The following CNOT9 variants were observed in gnomAD, a reference collection of about 807,000 sequenced individuals.
CNOT9 encodes the protein RCD1 required for cell differentiation1 homolog.
CNOT9 carries 8 observed loss-of-function variants against 37.4 expected under a neutral mutation model. The observed-to-expected ratio is 0.21, with a 90% CI of 0.13 to 0.39. CNOT9 has a LOEUF of 0.39. CNOT9 is among the 10% of genes least tolerant of loss of function. The pLI is 1.00. For missense variants in CNOT9, 154 were observed against 365.3 expected, an observed-to-expected ratio of 0.42 and a Z score of 4.71; for synonymous variants, 120 against 137.6, an observed-to-expected ratio of 0.87 and a Z score of 0.90.
At chr2:218,584,554 G>T in intron 3 of CNOT9, 58 bp from the exon 4 acceptor site, 1 of 1,284,980 alleles carries the variant, frequency 7.8e-7, no homozygotes, top group East Asian at 2.3e-5. Context: ...AAATTTGAAA[G>T]TTCAGGATCC....
chr2:218,591,741 T>TA lies in CNOT9; in HGVS notation c.541-550dup, dbSNP rs766798627. Among the ~76,000 whole-genome samples the TA allele has an allele frequency of 7.9e-3, 1,024 of 129,374 alleles. 4 individuals are homozygous for TA. The highest frequency in any genetic ancestry group is 0.052 in the Middle Eastern group (13 of 250). 84.9% of individuals were successfully genotyped at this position (129,374 alleles called of 152,430 possible). A position where few individuals can be genotyped will look rare whatever the true frequency, so the allele number is the denominator to read the frequency against. On this transcript the variant is annotated intron_variant, in intron 5 of 7. Coordinates refer to ENST00000273064, the MANE Select transcript of CNOT9 (RefSeq NM_005444.3). ...CTGGGCGACAGAGTGAGACTCCATC[T>TA]AAAAAAAAAAAAAGAAAAGAAAAAA...
Position 218,568,909 on chromosome 2 carries a change from G to A in CNOT9, c.-46G>A. On this transcript the variant is annotated 5_prime_UTR_variant, in exon 1 of 8. Transcript: ENST00000273064. ...GCAGGGGTGCTGAAGGGGGGACGCG[G>A]GTCGGACGCGTCCGGCTGTGGAAGA... is the stretch of plus-strand genomic sequence containing the variant. 6.3e-7 allele frequency: 1 copy of A among 1,594,302 alleles called. No individual in the cohort carries two copies. The highest frequency in any genetic ancestry group is 1.1e-5 in the South Asian group (1 of 89,042).
At chr2:218,574,088 G>C in intron 1 of CNOT9, 2 of 407,716 alleles carry the variant, frequency 4.9e-6, no homozygotes, top group Non-Finnish European at 5.0e-6. Flanking sequence ...TCCCACCTCA[G>C]CCTCTTGAGT....
chr2:218,583,185 GAGAA>G (rs1419864674), intron 3 of CNOT9, 99 bp downstream of exon 3: 79 of 742,344 alleles, frequency 1.1e-4, no homozygotes, highest in Middle Eastern at 4.7e-4. Context: ...GAGAGAGAGA[GAGAA>G]CGTTTGTGTG....
In CNOT9 at chr2:218,585,125, T is replaced by C. The variant is rs561248892; in HGVS notation, c.430+404T>C. 9.2e-5 allele frequency among the ~76,000 whole-genome samples: 14 copies of C among 152,238 alleles called. 1 individual carries two copies. The South Asian group carries it at 2.9e-3, about 32-fold the overall frequency. On this transcript the variant is annotated intron_variant, in intron 4 of 7. Transcript: ENST00000273064. ...TTCTTTCTGATAGGGTCTTGCTGTG[T>C]TACCCAGGCTGGAATTGAACTCCTA...
At chr2:218,587,819 AATT>A in intron 5 of CNOT9, 124 bp downstream of exon 5, 1 of 455,726 alleles carries the variant, frequency 2.2e-6, no homozygotes, top group South Asian at 9.1e-5. Context: ...TTTGAATAAA[AATT>A]ATTATGAAAC....
At position 218,592,519 on chromosome 2, in the gene CNOT9, T is replaced by C; in HGVS notation, c.640-97T>C. 6.7e-7 allele frequency: 1 copy of C among 1,502,928 alleles called. No individual in the cohort carries two copies. Among genetic ancestry groups the C allele is most frequent in the Non-Finnish European group, 9.3e-7 (1 of 1,078,714 alleles). The allele number at this position is 1,502,928 out of a possible 1,614,324, so 93.1% of individuals were successfully genotyped here. On this transcript the variant is annotated intron_variant, in intron 6 of 7. Transcript: ENST00000273064. The surrounding 1 kb of genome is among the most constrained non-coding windows in gnomAD (Gnocchi z 4.1). The stretch of plus-strand genomic sequence containing the variant: ...CTAGAACTAACAATTTTGGAACCTT[T>C]TATGATTCTTGGACTATCTGATCTC...
In CNOT9 at chr2:218,583,219, G is replaced by C. The variant is rs1157617710; in HGVS notation, c.320+133G>C. Reference sequence around the variant, plus strand: ...TGTGTGTGTGTGTGTGTGTGTGTGTGTGTGTGTGTGTGTGTCTCTCTCTCT... The same window carrying C: ...TGTGTGTGTGTGTGTGTGTGTGTGTCTGTGTGTGTGTGTGTCTCTCTCTCT... On this transcript the variant is annotated intron_variant, in intron 3 of 7. Transcript: ENST00000273064. The C allele has an allele frequency of 5.5e-5, 21 of 385,104 alleles. 1 individual carries two copies. The East Asian group carries it at 8.4e-4, about 15-fold the overall frequency. The allele number at this position is 385,104 out of a possible 1,614,324, so 23.9% of individuals were successfully genotyped here.
intron 4 of CNOT9, among the ~76,000 whole-genome samples, chr2:218,586,135 A>G (rs1334248937): frequency 6.6e-6 from 1 of 152,094 alleles, no homozygotes; most frequent in Admixed American, 6.6e-5. Flanking sequence ...ATTCTCCCCA[A>G]ACTGATCTAT....
At position 218,582,990 on chromosome 2, in the gene CNOT9, C is replaced by G; in HGVS notation, c.224C>G (p.Pro75Arg). 6.2e-7 allele frequency: 1 copy of G among 1,608,516 alleles called. No homozygotes were observed. The highest frequency in any genetic ancestry group is 1.3e-5 in the African/African-American group (1 of 74,618). ...ALLQEIVNIY[P>R]SINPPTLTAH... ...TTTTAGGAAATTGTAAATATTTATC[C>G]ATCTATCAACCCACCCACCTTGACA... is the stretch of plus-strand genomic sequence containing the variant. The change falls in exon 3 of 8, where the codon CCA becomes CGA. Residue 75 changes from proline to arginine, a missense_variant. This residue lies in a region of CNOT9 where 117 missense variants were observed against 325.4 expected (regional missense o/e 0.36). Transcript: ENST00000273064.
rs36013982 is a variant in CNOT9, at chr2:218,596,538, A to AAC, written c.*2284_*2285dup. On this transcript the variant is annotated 3_prime_UTR_variant, in exon 8 of 8. Transcript: ENST00000273064. ...GCTTCTCCCCTCTGTCTACCTACACAACACACACACACACACACACACAGC... is the reference window on the plus strand; with the variant it reads ...GCTTCTCCCCTCTGTCTACCTACACAACACACACACACACACACACACACAGC... 0.037 allele frequency: 5,499 copies of AAC among 149,998 alleles called. 177 individuals carry two copies. The highest frequency in any genetic ancestry group is 0.09 in the African/African-American group (3,688 of 41,120). The allele number at this position is 149,998 out of a possible 1,614,324, so 9.3% of individuals were successfully genotyped here. A position where few individuals can be genotyped will look rare whatever the true frequency, so the allele number is the denominator to read the frequency against.
intron 7 of CNOT9, 132 bp from the exon 8 acceptor site, chr2:218,593,976 T>A: frequency 9.5e-7 from 1 of 1,047,330 alleles, no homozygotes; most frequent in Non-Finnish European, 1.4e-6. Flanking sequence ...TAGAGAATTT[T>A]AATGGCTTCT....
At chr2:218,579,563 T>C (rs1482741964) in intron 1 of CNOT9, among the ~76,000 whole-genome samples, 1 of 152,152 alleles carries the variant, frequency 6.6e-6, no homozygotes, top group African/African-American at 2.4e-5. Flanking sequence ...CTCGGCTCAC[T>C]GCAACCTCCG....
chr2:218,587,417 C>T lies in CNOT9; in HGVS notation c.431-169C>T, dbSNP rs942156093. On this transcript the variant is annotated intron_variant, in intron 4 of 7. Transcript: ENST00000273064. ...GGATTACAGGTGTGAGCTACTGCGCCGCCCTCTTCCTTTTTTTTTTTAATA... is the reference window on the plus strand; with the variant it reads ...GGATTACAGGTGTGAGCTACTGCGCTGCCCTCTTCCTTTTTTTTTTTAATA... 1.0e-5 allele frequency: 13 copies of T among 1,253,376 alleles called. No homozygotes were observed. In the South Asian group the frequency reaches 1.0e-4, roughly 10 times the overall value. The allele number at this position is 1,253,376 out of a possible 1,614,324, so 77.6% of individuals were successfully genotyped here.
chr2:218,583,113 G>T (rs562224444), intron 3 of CNOT9, 27 bp downstream of exon 3: 1 of 1,424,200 alleles, frequency 7.0e-7, no homozygotes, highest in African/African-American at 1.4e-5. Context: ...AGTCACTTGG[G>T]GGAGATATAC....
intron 4 of CNOT9, among the ~76,000 whole-genome samples, chr2:218,585,803 A>G (rs1384556923): frequency 2.0e-5 from 3 of 151,768 alleles, no homozygotes; most frequent in South Asian, 2.1e-4. Flanking sequence ...ACACCTGGCT[A>G]CATTTTTTTA....
chr2:218,594,523 C>CCCAGGAGGGGCTGACA lies in CNOT9; in HGVS notation c.*256_*257insGCTGACACCAGGAGGG. 9.7e-6 allele frequency: 5 copies of CCCAGGAGGGGCTGACA among 514,526 alleles called. 1 individual carries two copies. The South Asian group carries it at 1.3e-4, about 14-fold the overall frequency. 31.9% of individuals were successfully genotyped at this position (514,526 alleles called of 1,614,324 possible). ...TGACACAGCAGTCTGCCACCACAGC[C>CCCAGGAGGGGCTGACA]CCAGGAGGGTGTCAACACCAGCAAA... On this transcript the variant is annotated 3_prime_UTR_variant, in exon 8 of 8. Transcript: ENST00000273064.
At chr2:218,573,536 C>G (rs1694069666) in intron 1 of CNOT9, among the ~76,000 whole-genome samples, 1 of 152,074 alleles carries the variant, frequency 6.6e-6, no homozygotes, top group Non-Finnish European at 1.5e-5. Context: ...TATTTTGGCC[C>G]TTAAACATAA....
chr2:218,584,234 A>G (rs1249212860), intron 3 of CNOT9, among the ~76,000 whole-genome samples: 1 of 152,170 alleles, frequency 6.6e-6, no homozygotes, highest in Non-Finnish European at 1.5e-5. Flanking sequence ...TAGGGTTTTC[A>G]GCTTTGGCAC....
Sources: gnomAD v4.1 joint callset for allele counts (sites outside exome capture counted in the v4.1 genomes callset) on GRCh38, gnomAD v4.1.1 for gene constraint, gnomAD v4.1.1 regional missense constraint, Gnocchi (gnomAD v3.1) non-coding constraint, MANE v1.5 for transcripts, NCBI Gene and HGNC (gene_info 2026-07-23, HGNC 2026-07-21) for gene names.